The following ANXA8 variants were observed in gnomAD, a reference collection of about 807,000 sequenced individuals.
ANXA8 encodes the protein annexin A8.
A neutral mutation model predicts 26.8 loss-of-function variants in ANXA8; 9 were observed. That is an observed-to-expected ratio of 0.34 (90% CI 0.20 to 0.59). The LOEUF (loss-of-function observed/expected upper bound fraction) is 0.59. ANXA8 is among the 20% of genes least tolerant of loss of function. The pLI is 0.84. For missense variants in ANXA8, 83 were observed against 238.5 expected, an observed-to-expected ratio of 0.35 and a Z score of 4.29; for synonymous variants, 39 against 94.8, an observed-to-expected ratio of 0.41 and a Z score of 3.42.
At chr10:47,480,999 T>G (rs1306863584) in intron 1 of ANXA8, among the ~76,000 whole-genome samples, 1 of 79,394 alleles carries the variant, frequency 1.3e-5, no homozygotes, top group African/African-American at 4.5e-5. Context: ...TAAGGCATCT[T>G]TCTGAACTCT....
chr10:47,630,307 T>G, the ANXA8 span, among the ~76,000 whole-genome samples: 1 of 149,154 alleles, frequency 6.7e-6, no homozygotes, highest in Non-Finnish European at 1.5e-5. Context: ...TTAAAATGAT[T>G]AAGTCATTCA....
At chr10:47,603,487 T>C in the ANXA8 span, among the ~76,000 whole-genome samples, 2 of 147,952 alleles carry the variant, frequency 1.4e-5, no homozygotes, top group Non-Finnish European at 2.9e-5. Context: ...TGTTTATATT[T>C]CATTCACGTT....
chr10:47,484,405 C>G (rs1314309255), upstream of ANXA8: 6 of 1,079,974 alleles, frequency 5.6e-6, no homozygotes, highest in Admixed American at 2.2e-5. Flanking sequence ...CTCCTAATAG[C>G]CATGGAGTAT....
chr10:47,950,528 C>T, the ANXA8 span, among the ~76,000 whole-genome samples: 18 of 150,802 alleles, frequency 1.2e-4, 2 homozygotes, highest in African/African-American at 3.9e-4. Context: ...TTCATAGAAT[C>T]CACATTGTTT....
the ANXA8 span, among the ~76,000 whole-genome samples, chr10:47,639,550 T>A: frequency 6.6e-6 from 1 of 151,800 alleles, no homozygotes; most frequent in Non-Finnish European, 1.5e-5. Flanking sequence ...TCTCCTGACC[T>A]CGTGATCCGC....
the ANXA8 span, among the ~76,000 whole-genome samples, chr10:47,733,155 TTCTTTCTTTC>T: frequency 1.1e-5 from 1 of 92,120 alleles, no homozygotes; most frequent in African/African-American, 4.0e-5. Context: ...CTTTCTTTCT[TTCTTTCTTTC>T]TTTCTTTCTT....
the ANXA8 span, among the ~76,000 whole-genome samples, chr10:47,494,958 G>C: frequency 6.6e-6 from 1 of 152,084 alleles, no homozygotes; most frequent in African/African-American, 2.4e-5. Flanking sequence ...ATCCCAAAGA[G>C]AGCTGTGGCT....
At chr10:47,600,333 A>G in the ANXA8 span, among the ~76,000 whole-genome samples, 1 of 150,250 alleles carries the variant, frequency 6.7e-6, no homozygotes. Context: ...GCTTGGGCCA[A>G]GGTAGCTCCG....
the ANXA8 span, among the ~76,000 whole-genome samples, chr10:47,681,241 A>T: frequency 6.6e-6 from 1 of 152,002 alleles, no homozygotes. Context: ...GCACGGGGAA[A>T]AAGAAAGATA....
the ANXA8 span, among the ~76,000 whole-genome samples, chr10:47,548,547 C>T: frequency 6.6e-6 from 1 of 151,950 alleles, no homozygotes; most frequent in African/African-American, 2.4e-5. Flanking sequence ...GTGATTCACC[C>T]ACTTCGGTCT....
At chr10:47,614,230 T>A in the ANXA8 span, among the ~76,000 whole-genome samples, 2 of 74,432 alleles carry the variant, frequency 2.7e-5, 1 homozygote, top group Non-Finnish European at 6.9e-5. Context: ...TACCAAAATC[T>A]ATCTACATTT....
the ANXA8 span, among the ~76,000 whole-genome samples, chr10:47,704,008 GA>G: frequency 7.0e-6 from 1 of 142,098 alleles, no homozygotes; most frequent in Non-Finnish European, 1.6e-5. Context: ...TAATGAAAAA[GA>G]AAAGACTGAG....
chr10:47,701,191 T>C, the ANXA8 span, among the ~76,000 whole-genome samples: 1 of 149,802 alleles, frequency 6.7e-6, no homozygotes, highest in African/African-American at 2.5e-5. Flanking sequence ...CCTATCAGAT[T>C]GGCAAAATTA....
chr10:47,956,788 C>G, the ANXA8 span, among the ~76,000 whole-genome samples: 2 of 149,852 alleles, frequency 1.3e-5, no homozygotes, highest in Non-Finnish European at 2.9e-5. Flanking sequence ...TCGCACAGCC[C>G]AGGGCCTGAC....
the ANXA8 span, among the ~76,000 whole-genome samples, chr10:47,966,524 T>A: frequency 6.7e-6 from 1 of 148,604 alleles, no homozygotes; most frequent in African/African-American, 2.4e-5. Context: ...GGCCTCCAAA[T>A]CAGATCCTGG....
At chr10:47,606,812 T>C in the ANXA8 span, among the ~76,000 whole-genome samples, 4 of 151,044 alleles carry the variant, frequency 2.6e-5, no homozygotes, top group Non-Finnish European at 4.4e-5. Flanking sequence ...ACCACCATGA[T>C]ACAAGTTTAC....
chr10:47,733,229 T>TCTCTCTC, the ANXA8 span, among the ~76,000 whole-genome samples: 2 of 67,860 alleles, frequency 2.9e-5, 1 homozygote, highest in South Asian at 1.1e-3. Context: ...TTCTCTTTCT[T>TCTCTCTC]TCTCTCTTTC....
At chr10:47,507,521 AACAAG>A in the ANXA8 span, 1 of 1,518,152 alleles carries the variant, frequency 6.6e-7, no homozygotes. Flanking sequence ...TAGCTAGAAT[AACAAG>A]ACAGGTTTCT....
At chr10:47,751,274 GT>G in the ANXA8 span, 3 of 131,462 alleles carry the variant, frequency 2.3e-5, no homozygotes, top group African/African-American at 8.5e-5. Context: ...AGCTCTAGTA[GT>G]TTTTTTGTGT....
Sources: gnomAD v4.1 joint callset for allele counts (sites outside exome capture counted in the v4.1 genomes callset) on GRCh38, gnomAD v4.1.1 for gene constraint, MANE v1.5 for transcripts, NCBI Gene and HGNC (gene_info 2026-07-23, HGNC 2026-07-21) for gene names.